Variants in SPATA7 observed in about 807,000 individuals in gnomAD.
SPATA7 encodes spermatogenesis-associated protein 7.
SPATA7 carries 43 observed loss-of-function variants against 51.8 expected under a neutral mutation model. The observed-to-expected ratio is 0.83, with a 90% CI of 0.65 to 1.07. The LOEUF (loss-of-function observed/expected upper bound fraction) is 1.07. Ranked by LOEUF, SPATA7 falls within the 50% of genes least tolerant of loss-of-function variation. SPATA7 has a pLI of 0.00. For synonymous variants in SPATA7, 230 were observed against 252.8 expected, an observed-to-expected ratio of 0.91 and a Z score of 0.86; for missense variants, 683 against 701.3, an observed-to-expected ratio of 0.97 and a Z score of 0.30.
rs199765800 is a variant in SPATA7 at position 88,447,821 on chromosome 14, C to T, written c.178-7239C>T. ...AATGTCGAATATTGGCCCCCACTCT[C>T]TTCTGGCTTGTAGAGTTTCTGCCGA... On this transcript the variant is annotated intron_variant, in intron 3 of 3. Transcript: ENST00000554802. Among the ~76,000 whole-genome samples, 457 of 152,268 alleles carry T rather than the reference C, an allele frequency of 3.0e-3. 6 individuals carry two copies. The highest frequency in any genetic ancestry group is 0.018 in the Admixed American group (281 of 15,290).
chr14:88,435,703 C>A (rs146405738), intron 10 of SPATA7, among the ~76,000 whole-genome samples: 1 of 152,132 alleles, frequency 6.6e-6, no homozygotes, highest in Non-Finnish European at 1.5e-5. Context: ...GTGCCAGGCT[C>A]ATTTCACTTA....
intron 5 of SPATA7, among the ~76,000 whole-genome samples, chr14:88,420,972 C>A (rs1256948043): frequency 6.6e-6 from 1 of 151,864 alleles, no homozygotes; most frequent in Admixed American, 6.6e-5. Flanking sequence ...AAAAAATTAG[C>A]CAGGAGTGGT....
chr14:88,468,779 C>CA, intron 4 of SPATA7: 1 of 1,011,940 alleles, frequency 9.9e-7, no homozygotes, highest in East Asian at 2.5e-5. Context: ...CAGCCTTTTG[C>CA]AGGGAACATT....
At chr14:88,395,098 A>C (rs952595480) in intron 3 of SPATA7, among the ~76,000 whole-genome samples, 3 of 152,180 alleles carry the variant, frequency 2.0e-5, no homozygotes, top group Middle Eastern at 3.4e-3. Flanking sequence ...TTCTGGAGAA[A>C]TTTTTAGACT....
At chr14:88,435,400 C>T (rs1162587290) in intron 10 of SPATA7, among the ~76,000 whole-genome samples, 1 of 152,064 alleles carries the variant, frequency 6.6e-6, no homozygotes, top group African/African-American at 2.4e-5. Flanking sequence ...GTGGGGTATC[C>T]ATCCTCTCAA....
In SPATA7 at chr14:88,469,637, G is replaced by A. The variant is rs762755679; in HGVS notation, c.255-210G>A. ...GTGGCATAGCAGCCAGAGTCTGTGC[G>A]GAACCGGGTCGTGATCTTAAACCTT... On this transcript the variant is annotated intron_variant, in intron 4 of 4. Transcript: ENST00000556406. The surrounding 1 kb of genome is among the most constrained non-coding windows in gnomAD (Gnocchi z 4.3). The A allele has an allele frequency of 1.6e-5, 26 of 1,613,998 alleles. No homozygotes were observed. The highest frequency in any genetic ancestry group is 4.0e-5 in the African/African-American group (3 of 74,890).
rs550396073 is a variant in SPATA7 at position 88,405,325 on chromosome 14, T to C, written c.238+9122T>C. Among the ~76,000 whole-genome samples, 4 of 152,324 alleles carry C rather than the reference T, an allele frequency of 2.6e-5. No homozygotes were observed. The South Asian group carries it at 8.3e-4, about 32-fold the overall frequency. ...CTTTGGCCTTCACTCTGAATGAAAT[T>C]GCAAGCCATTGGAGGGTCTTGAAGA... On this transcript the variant is annotated intron_variant, in intron 4 of 11. Coordinates refer to ENST00000393545, the MANE Select transcript of SPATA7 (RefSeq NM_018418.5).
At chr14:88,425,244 A>G (rs537258928) in intron 5 of SPATA7, among the ~76,000 whole-genome samples, 1 of 152,196 alleles carries the variant, frequency 6.6e-6, no homozygotes, top group South Asian at 2.1e-4. Flanking sequence ...AGTAGCAGTG[A>G]TAGAAGTTCT....
At chr14:88,403,628 A>G (rs2076128973) in intron 4 of SPATA7, among the ~76,000 whole-genome samples, 2 of 152,304 alleles carry the variant, frequency 1.3e-5, no homozygotes, top group South Asian at 4.1e-4. Flanking sequence ...GCTTCCACAT[A>G]TAAGTGAGAT....
At chr14:88,461,040 A>G (rs1276996787) in intron 4 of SPATA7, among the ~76,000 whole-genome samples, 2 of 152,224 alleles carry the variant, frequency 1.3e-5, no homozygotes, top group Non-Finnish European at 2.9e-5. Context: ...GCTGAACAGC[A>G]AATGTTGCTG....
intron 4 of SPATA7, among the ~76,000 whole-genome samples, chr14:88,464,706 G>A (rs965873799): frequency 1.6e-4 from 25 of 151,938 alleles, no homozygotes; most frequent in Admixed American, 5.2e-4. Context: ...CTCCAGCCTG[G>A]GTGACAGAAC....
chr14:88,427,606 ATTAT>A lies in SPATA7; in HGVS notation c.846-17_846-14del. The stretch of plus-strand genomic sequence containing the variant: ...GTGCTTATATTTTGAAGGATTAACA[ATTAT>A]TTATTTTAAATTATTACAGCTTTAA... On this transcript the variant is annotated intron_variant, in intron 6 of 11. Transcript: ENST00000393545. 1 of 1,522,198 alleles carries A rather than the reference ATTAT, an allele frequency of 6.6e-7. No homozygotes were observed. The highest frequency in any genetic ancestry group is 2.4e-5 in the East Asian group (1 of 42,048). The allele number at this position is 1,522,198 out of a possible 1,614,324, so 94.3% of individuals were successfully genotyped here. A position where few individuals can be genotyped will look rare whatever the true frequency, so the allele number is the denominator to read the frequency against.
rs143982149 is a variant in SPATA7, at chr14:88,438,012, C to T, written c.1390C>T (p.Arg464Cys). Residue 464 changes from arginine to cysteine, a missense_variant, in exon 12 of 12, where the codon CGT (arginine) becomes TGT (cysteine). Coordinates refer to ENST00000393545, the MANE Select transcript of SPATA7 (RefSeq NM_018418.5). Reference protein sequence around the residue: ...NESEVTIQQERQQYQKALDML... With the variant: ...NESEVTIQQECQQYQKALDML... ...AAGTGAAGTAACAATTCAGCAGGAA[C>T]GTCAACAATACCAAAAGGCTTTGGA... 38 of 1,614,010 alleles carry T rather than the reference C, an allele frequency of 2.4e-5. No homozygotes were observed. Among genetic ancestry groups the T allele is most frequent in the East Asian group, 6.7e-5 (3 of 44,850 alleles).
chr14:88,404,367 A>G (rs1187234392), intron 4 of SPATA7, among the ~76,000 whole-genome samples: 1 of 152,238 alleles, frequency 6.6e-6, no homozygotes, highest in East Asian at 1.9e-4. Flanking sequence ...GAAAATAGCC[A>G]GAAATAATCT....
chr14:88,403,402 A>G lies in SPATA7; in HGVS notation c.238+7199A>G, dbSNP rs962413817. On this transcript the variant is annotated intron_variant, in intron 4 of 11. Coordinates refer to ENST00000393545, the MANE Select transcript of SPATA7 (RefSeq NM_018418.5). The stretch of plus-strand genomic sequence containing the variant: ...TGTTACAGCATTATAGCAAATAGTC[A>G]AGATATAGAAACAACCTAAATGTTG... Among the ~76,000 whole-genome samples, 3 of 152,226 alleles carry G rather than the reference A, an allele frequency of 2.0e-5. No homozygotes were observed. The East Asian group carries it at 5.8e-4, about 29-fold the overall frequency.
At chr14:88,432,976 T>C in intron 9 of SPATA7, 159 bp from the exon 10 acceptor site, 1 of 612,890 alleles carries the variant, frequency 1.6e-6, no homozygotes, top group Non-Finnish European at 2.8e-6. Context: ...TTTGAGAAGG[T>C]AGACATGTTT....
rs139018700 is a variant in SPATA7, at chr14:88,436,467, C to G, written c.1161-1076C>G. Reference sequence around the variant, plus strand: ...TCCATGTTTGCTTTGGTTGCCTGTGCTTGTGGGATATTACTCAAGAAGTCT... The same window carrying G: ...TCCATGTTTGCTTTGGTTGCCTGTGGTTGTGGGATATTACTCAAGAAGTCT... On this transcript the variant is annotated intron_variant, in intron 10 of 11. Coordinates refer to ENST00000393545, the MANE Select transcript of SPATA7 (RefSeq NM_018418.5). 2.4e-3 allele frequency among the ~76,000 whole-genome samples: 363 copies of G among 152,250 alleles called. 1 individual carries two copies. Among genetic ancestry groups the G allele is most frequent in the African/African-American group, 8.4e-3 (351 of 41,558 alleles).
chr14:88,449,822 A>G (rs2077239099), intron 3 of SPATA7, among the ~76,000 whole-genome samples: 1 of 152,082 alleles, frequency 6.6e-6, no homozygotes, highest in Non-Finnish European at 1.5e-5. Context: ...TCCTTTTATC[A>G]TCATATAATA....
intron 3 of SPATA7, among the ~76,000 whole-genome samples, chr14:88,444,380 A>G (rs1459331076): frequency 1.3e-5 from 2 of 152,050 alleles, no homozygotes; most frequent in Admixed American, 1.3e-4. Flanking sequence ...GATTCTGGAT[A>G]TTAGCCCTTT....
Sources: gnomAD v4.1 joint callset for allele counts (sites outside exome capture counted in the v4.1 genomes callset) on GRCh38, gnomAD v4.1.1 for gene constraint, Gnocchi (gnomAD v3.1) non-coding constraint, MANE v1.5 for transcripts, NCBI Gene and HGNC (gene_info 2026-07-23, HGNC 2026-07-21) for gene names.